Variants in FYB2 observed in about 807,000 individuals in gnomAD.
FYB2 encodes FYN-binding protein 2.
A neutral mutation model predicts 94.1 loss-of-function variants in FYB2; 103 were observed. The ratio of observed to expected loss-of-function variants is 1.09; its 90% CI spans 0.93 to 1.29. The LOEUF is 1.29. FYB2 is among the 50% of genes most tolerant of loss of function. The probability of loss-of-function intolerance (pLI) is 0.00; values close to 1 mark genes in which losing one functional copy is unlikely to be tolerated. For missense variants in FYB2, 896 were observed against 841.5 expected, an observed-to-expected ratio of 1.06 and a Z score of -0.80; for synonymous variants, 293 against 287.9, an observed-to-expected ratio of 1.02 and a Z score of -0.18.
intron 4 of FYB2, among the ~76,000 whole-genome samples, chr1:56,776,893 A>G (rs1338768653): frequency 2.0e-5 from 3 of 152,020 alleles, no homozygotes; most frequent in Non-Finnish European, 4.4e-5. Context: ...AATCCTCACA[A>G]CATCCCTGGG....
At chr1:56,750,442 TATG>T (rs1454279605) in intron 9 of FYB2, among the ~76,000 whole-genome samples, 2 of 151,962 alleles carry the variant, frequency 1.3e-5, no homozygotes, top group Non-Finnish European at 2.9e-5. Flanking sequence ...ACCAAGTCAC[TATG>T]ATATTGTTTG....
chr1:56,786,742 T>C (rs944115493), intron 4 of FYB2, among the ~76,000 whole-genome samples: 1 of 152,180 alleles, frequency 6.6e-6, no homozygotes, highest in African/African-American at 2.4e-5. Context: ...TCAATAGATA[T>C]TATTTGGTTA....
chr1:56,755,955 T>G (rs968890866), intron 6 of FYB2, 28 bp from the exon 7 acceptor site: 3 of 1,599,410 alleles, frequency 1.9e-6, no homozygotes, highest in Non-Finnish European at 1.7e-6. Flanking sequence ...AATGGTTATT[T>G]TCATAAATCA....
At chr1:56,737,907 G>A (rs943920795) in intron 14 of FYB2, among the ~76,000 whole-genome samples, 4 of 151,916 alleles carry the variant, frequency 2.6e-5, no homozygotes, top group Admixed American at 6.6e-5. Flanking sequence ...GATTTTATCA[G>A]GTATATATAA....
intron 13 of FYB2, 37 bp downstream of exon 13, chr1:56,740,660 A>T: frequency 1.6e-6 from 2 of 1,268,348 alleles, no homozygotes; most frequent in Non-Finnish European, 2.3e-6. Flanking sequence ...TACCAGGTTA[A>T]TCCCCTCGTG....
chr1:56,742,091 C>T, intron 12 of FYB2, 70 bp downstream of exon 12: 2 of 1,428,528 alleles, frequency 1.4e-6, no homozygotes, highest in Non-Finnish European at 1.9e-6. Flanking sequence ...TGGGTCCTCA[C>T]TGAAACTCTG....
intron 7 of FYB2, among the ~76,000 whole-genome samples, chr1:56,755,477 C>A (rs901667348): frequency 6.6e-6 from 1 of 152,032 alleles, no homozygotes; most frequent in African/African-American, 2.4e-5. Flanking sequence ...CTTAAAAGAG[C>A]AAAGGCAAAG....
At chr1:56,770,107 T>C (rs916431916) in intron 4 of FYB2, among the ~76,000 whole-genome samples, 8 of 152,080 alleles carry the variant, frequency 5.3e-5, no homozygotes, top group Non-Finnish European at 8.8e-5. Context: ...AAACTAGAGA[T>C]AGTTTTAGGC....
At chr1:56,776,161 T>C (rs953438769) in intron 4 of FYB2, among the ~76,000 whole-genome samples, 1 of 152,100 alleles carries the variant, frequency 6.6e-6, no homozygotes, top group Non-Finnish European at 1.5e-5. Flanking sequence ...ATGAAAATAA[T>C]GAAGCACCAG....
chr1:56,759,961 C>T (rs943001345), intron 5 of FYB2, among the ~76,000 whole-genome samples: 4 of 151,922 alleles, frequency 2.6e-5, no homozygotes, highest in Admixed American at 6.6e-5. Flanking sequence ...GGCCTATAAT[C>T]CCAGCTACTC....
At chr1:56,823,367 G>T (rs1647003323), upstream of FYB2, among the ~76,000 whole-genome samples, 1 of 152,114 alleles carries the variant, frequency 6.6e-6, no homozygotes, top group Non-Finnish European at 1.5e-5. Context: ...GGGCAGGTGG[G>T]AAGCTAGGAA....
intron 4 of FYB2, among the ~76,000 whole-genome samples, chr1:56,772,021 C>G (rs566350568): frequency 6.6e-6 from 1 of 151,870 alleles, no homozygotes; most frequent in East Asian, 1.9e-4. Context: ...GTTCATTTTG[C>G]TGAAAAAGAA....
In FYB2 at chr1:56,726,589, GAGA is replaced by G. The variant is rs1422337576; in HGVS notation, c.1794-9_1794-7del. 1 of 1,604,372 alleles carries G rather than the reference GAGA, an allele frequency of 6.2e-7. No individual in the cohort carries two copies. Among genetic ancestry groups the G allele is most frequent in the African/African-American group, 1.3e-5 (1 of 74,330 alleles). On this transcript the variant is annotated splice_region_variant and splice_polypyrimidine_tract_variant and intron_variant, in intron 15 of 19. Transcript: ENST00000343433. The stretch of plus-strand genomic sequence containing the variant: ...TTTTCAGTTTATCTTCATCTCTGAG[GAGA>G]AATATATTTTGAGCAAGTAAATTAA...
chr1:56,823,964 A>G (rs947843306), upstream of FYB2: 1 of 152,222 alleles, frequency 6.6e-6, no homozygotes, highest in African/African-American at 2.4e-5. Context: ...ATGTTCCATC[A>G]TCCAGAAAAG....
intron 6 of FYB2, 71 bp downstream of exon 6, chr1:56,758,645 A>G: frequency 1.6e-6 from 2 of 1,219,418 alleles, no homozygotes; most frequent in East Asian, 2.6e-5. Context: ...CCTCTAAAAG[A>G]TACTACTTTA....
At chr1:56,785,627 T>C (rs1646116605) in intron 4 of FYB2, among the ~76,000 whole-genome samples, 1 of 152,208 alleles carries the variant, frequency 6.6e-6, no homozygotes, top group African/African-American at 2.4e-5. Flanking sequence ...TCCTCTGTGA[T>C]GTGGTTCCTG....
At chr1:56,788,599 T>G (rs1258965338) in intron 3 of FYB2, among the ~76,000 whole-genome samples, 1 of 152,194 alleles carries the variant, frequency 6.6e-6, no homozygotes, top group Non-Finnish European at 1.5e-5. Context: ...AAGTTCACAC[T>G]GACTTTCTCC....
chr1:56,784,567 T>C (rs1370443910), intron 4 of FYB2, among the ~76,000 whole-genome samples: 1 of 152,176 alleles, frequency 6.6e-6, no homozygotes, highest in Non-Finnish European at 1.5e-5. Flanking sequence ...AGTCTCAACT[T>C]TTTACCATGG....
At chr1:56,776,676 T>C (rs1376871078) in intron 4 of FYB2, among the ~76,000 whole-genome samples, 1 of 152,132 alleles carries the variant, frequency 6.6e-6, no homozygotes, top group Non-Finnish European at 1.5e-5. Context: ...CCATTTATTT[T>C]ACGGAGAGGG....
Sources: gnomAD v4.1 joint callset for allele counts (sites outside exome capture counted in the v4.1 genomes callset) on GRCh38, gnomAD v4.1.1 for gene constraint, MANE v1.5 for transcripts, NCBI Gene and HGNC (gene_info 2026-07-23, HGNC 2026-07-21) for gene names.